GEMIN5: variants seen among roughly 807,000 people sequenced by gnomAD.
The protein encoded by GEMIN5 is gem nuclear organelle associated protein 5, also known as gem-associated protein 5.
Under a neutral mutation model 176.9 loss-of-function variants are expected in GEMIN5, and 124 were observed. The observed-to-expected ratio is 0.70, with a 90% CI of 0.61 to 0.81. The LOEUF is 0.81. Among genes scored for constraint, GEMIN5 ranks in the 40% least tolerant of loss-of-function variants. The pLI is 0.00. For missense variants in GEMIN5, 1,843 were observed against 1,814.6 expected (o/e 1.02, Z -0.28); for synonymous variants, 673 against 665.2 (o/e 1.01, Z -0.18).
At chr5:154,908,172 CTTT>C (rs386405383) in intron 15 of GEMIN5, among the ~76,000 whole-genome samples, 2 of 73,064 alleles carry the variant, frequency 2.7e-5, no homozygotes, top group African/African-American at 5.3e-5. Context: ...CCCAGATGTC[CTTT>C]TTTTTTTTTT....
In GEMIN5 at chr5:154,928,223, T is replaced by C. The variant is rs561543518; in HGVS notation, c.914+304A>G. ...TTATAACCATCTCCCCTTTCTACAC[T>C]TGAAGTGACTGAAGCTCAGAAAAGT... is the stretch of plus-strand genomic sequence containing the variant. On this transcript the variant is annotated intron_variant, in intron 6 of 27. Transcript: ENST00000285873. 7.6e-4 allele frequency among the ~76,000 whole-genome samples: 116 copies of C among 152,288 alleles called. 1 individual carries two copies. The highest frequency in any genetic ancestry group is 2.6e-3 in the African/African-American group (107 of 41,554).
chr5:154,919,888 A>T (rs1245387702), intron 11 of GEMIN5, 79 bp downstream of exon 11: 1 of 1,234,522 alleles, frequency 8.1e-7, no homozygotes, highest in African/African-American at 1.5e-5. Context: ...CTCCAATAAC[A>T]GCATTTATTT....
chr5:154,899,370 G>C (rs1038273540), intron 21 of GEMIN5, 60 bp from the exon 22 acceptor site: 1 of 1,413,556 alleles, frequency 7.1e-7, no homozygotes, highest in Admixed American at 2.4e-5. Context: ...TATGGTCCTA[G>C]GAGGGGCTGT....
intron 21 of GEMIN5, among the ~76,000 whole-genome samples, chr5:154,900,090 T>C (rs1278595485): frequency 6.6e-6 from 1 of 152,204 alleles, no homozygotes; most frequent in Admixed American, 6.5e-5. Context: ...TAGCAAAAAT[T>C]AGAATTTTAG....
intron 3 of GEMIN5, among the ~76,000 whole-genome samples, chr5:154,934,456 C>A (rs964531337): frequency 4.6e-5 from 7 of 152,048 alleles, no homozygotes; most frequent in African/African-American, 1.7e-4. Context: ...GGATTACAGG[C>A]GTGCACCACT....
chr5:154,912,996 C>T lies in GEMIN5; in HGVS notation c.1898G>A (p.Arg633Gln), dbSNP rs745989421. The T allele has an allele frequency of 6.8e-6, 11 of 1,613,458 alleles. No individual in the cohort carries two copies. The highest frequency in any genetic ancestry group is 1.6e-4 in the Middle Eastern group (1 of 6,062). The part of the protein sequence containing the change: ...ESPVTITEPY[R>Q]TLSGHTAKIT... ...CTTGGCCGTATGCCCTGAGAGGGTC[C>T]GGTAGGGCTCTGTAATGGTCACTGG... The change falls in exon 14 of 28, where the codon CGG (arginine) becomes CAG (glutamine). Residue 633 changes from arginine (R) to glutamine (Q), a missense_variant. Transcript: ENST00000285873.
rs1283995389 is a variant in GEMIN5 at position 154,888,156 on chromosome 5, G to A, written c.*54C>T. 4 of 1,529,448 alleles carry A rather than the reference G, an allele frequency of 2.6e-6. No individual in the cohort carries two copies. Among genetic ancestry groups the A allele is most frequent in the African/African-American group, 2.7e-5 (2 of 73,132 alleles). 94.7% of individuals were successfully genotyped at this position (1,529,448 alleles called of 1,614,324 possible). On this transcript the variant is annotated 3_prime_UTR_variant, in exon 28 of 28. Coordinates refer to ENST00000285873, the MANE Select transcript of GEMIN5 (RefSeq NM_015465.5). ...TGTCTGGTGAGGCATAACTGCAGAG[G>A]TGAAAGATGTCAAACATTTTCAATT...
At chr5:154,927,180 T>C (rs1027813438) in intron 7 of GEMIN5, among the ~76,000 whole-genome samples, 58 of 152,214 alleles carry the variant, frequency 3.8e-4, no homozygotes, top group African/African-American at 1.3e-3. Context: ...ATGTCTGCTT[T>C]AACAAAAAAC....
In GEMIN5 at chr5:154,903,146, C is replaced by T. The variant is rs761752666; in HGVS notation, c.2662G>A (p.Glu888Lys). The change falls in exon 19 of 28, where the codon GAG (glutamate) becomes AAG (lysine). Residue 888 changes from glutamate to lysine, a missense_variant. By Grantham distance (56) the Glu-to-Lys change is moderately conservative (BLOSUM62 1). Transcript: ENST00000285873. ...ELNEDVSADV[E>K]ERFHLGLFTD... ...AAAAGCCCCAGATGAAATCTTTCCT[C>T]AACATCAGCAGACACATCTTCATTC... The T allele has an allele frequency of 6.8e-6, 11 of 1,612,444 alleles. No individual in the cohort carries two copies. Among genetic ancestry groups the T allele is most frequent in the Non-Finnish European group, 8.5e-6 (10 of 1,178,766 alleles).
intron 27 of GEMIN5, among the ~76,000 whole-genome samples, chr5:154,888,870 T>TTTTC (rs1561705773): frequency 8.7e-5 from 3 of 34,466 alleles, no homozygotes; most frequent in Non-Finnish European, 1.9e-4. Context: ...GTTTTGTTTT[T>TTTTC]TTTTTGAGAC....
In GEMIN5 at chr5:154,927,402, T is replaced by C. The variant is rs779080294; in HGVS notation, c.1063A>G (p.Thr355Ala). The change falls in exon 7 of 28, where the codon ACA becomes GCA. Residue 355 changes from threonine (T) to alanine (A), a missense_variant. Coordinates refer to ENST00000285873, the MANE Select transcript of GEMIN5 (RefSeq NM_015465.5). ...ATTCTTACATCTCTATCCATTGATG[T>C]AGAAAGTAATAGCTGTTTGTCATCC... ...TEDDKQLLLS[T>A]SMDRDVKCWD... 2.5e-6 allele frequency: 4 copies of C among 1,576,902 alleles called. No homozygotes were observed. The African/African-American group carries it at 4.0e-5, about 16-fold the overall frequency.
rs141010715 is a variant in GEMIN5 at position 154,896,280 on chromosome 5, A to G, written c.3409T>C (p.Ser1137Pro). Residue 1137 changes from serine (S) to proline (P), a missense_variant, in exon 24 of 28, where the codon TCA becomes CCA. By Grantham distance (74) the Ser-to-Pro change is moderately conservative. Transcript: ENST00000285873. ...TAAGAGGAGGAGCTTTTGCCCTCTG[A>G]AAGCTGCTTTTCCTCCAGATGCCTG... The part of the protein sequence containing the change: ...LSRHLEEKQL[S>P]EGKSSSSYHT... The G allele has an allele frequency of 3.9e-3, 6,366 of 1,612,428 alleles. 81 individuals carry two copies. The highest frequency in any genetic ancestry group is 0.032 in the South Asian group (2,930 of 90,768).
intron 16 of GEMIN5, among the ~76,000 whole-genome samples, chr5:154,906,327 C>T (rs1763568527): frequency 6.6e-6 from 1 of 152,146 alleles, no homozygotes; most frequent in African/African-American, 2.4e-5. Context: ...AAAAAGCTTC[C>T]AGCCCTCCAC....
chr5:154,903,157 G>A lies in GEMIN5; in HGVS notation c.2651C>T (p.Ser884Phe), dbSNP rs149015090. Reference protein sequence around the residue: ...KHSRELNEDVSADVEERFHLG... With the variant: ...KHSRELNEDVFADVEERFHLG... ...ATGAAATCTTTCCTCAACATCAGCA[G>A]ACACATCTTCATTCAGCTCTGTTAA... Residue 884 changes from serine (S) to phenylalanine (F), a missense_variant, in exon 19 of 28, where the codon TCT becomes TTT. Coordinates refer to ENST00000285873, the MANE Select transcript of GEMIN5 (RefSeq NM_015465.5). 2.4e-4 allele frequency: 390 copies of A among 1,611,066 alleles called. 5 individuals are homozygous for A. In the East Asian group the frequency reaches 8.6e-3, roughly 35 times the overall value.
rs185512036 is a variant in GEMIN5 at position 154,892,902 on chromosome 5, G to T, written c.3598-353C>A. 1.1e-3 allele frequency among the ~76,000 whole-genome samples: 164 copies of T among 152,118 alleles called. 2 individuals carry two copies. The highest frequency in any genetic ancestry group is 3.7e-3 in the African/African-American group (153 of 41,516). On this transcript the variant is annotated intron_variant, in intron 24 of 27. Transcript: ENST00000285873. ...TCACAAGGTCAGGAGTTCAAGACCA[G>T]CCTGGCCAACATGGTGAAACCCCGC... is the stretch of plus-strand genomic sequence containing the variant.
In GEMIN5 at chr5:154,927,566, A is replaced by G; in HGVS notation, c.915-16T>C. On this transcript the variant is annotated splice_polypyrimidine_tract_variant and intron_variant, in intron 6 of 27. Coordinates refer to ENST00000285873, the MANE Select transcript of GEMIN5 (RefSeq NM_015465.5). The stretch of plus-strand genomic sequence containing the variant: ...CAGTTCACCTCTGTGAAGGAAAAAC[A>G]TAAGCATTAGTTCTTTTACAAACGA... 3.2e-6 allele frequency: 5 copies of G among 1,569,094 alleles called. No homozygotes were observed. Among genetic ancestry groups the G allele is most frequent in the Non-Finnish European group, 3.5e-6 (4 of 1,145,376 alleles).
chr5:154,926,736 G>T (rs1010896148), intron 7 of GEMIN5, among the ~76,000 whole-genome samples: 1 of 152,126 alleles, frequency 6.6e-6, no homozygotes, highest in Non-Finnish European at 1.5e-5. Flanking sequence ...GAATTGTCTT[G>T]GGCCACACAA....
chr5:154,889,158 G>A (rs1316276330), intron 27 of GEMIN5, among the ~76,000 whole-genome samples, 163 bp downstream of exon 27: 2 of 147,412 alleles, frequency 1.4e-5, no homozygotes, highest in Admixed American at 1.3e-4. Flanking sequence ...TTACAGGCGT[G>A]AGCCACCACG....
chr5:154,924,237 A>G (rs924647932), intron 9 of GEMIN5, among the ~76,000 whole-genome samples: 16 of 152,236 alleles, frequency 1.1e-4, no homozygotes, highest in African/African-American at 3.6e-4. Flanking sequence ...AGTTCTAGAC[A>G]TAACTTCTAG....
Sources: allele counts gnomAD v4.1 joint callset (sites outside exome capture counted in the v4.1 genomes callset), GRCh38; gene constraint gnomAD v4.1.1; transcripts MANE v1.5; gene names NCBI Gene and HGNC (gene_info 2026-07-23, HGNC 2026-07-21).